Variants in CCSER1 observed in about 807,000 individuals in gnomAD.
The protein encoded by CCSER1 is serine-rich coiled-coil domain-containing protein 1.
In CCSER1, 41 loss-of-function variants were observed where a neutral mutation model predicts 82.0. The ratio of observed to expected loss-of-function variants is 0.50; its 90% CI spans 0.39 to 0.65. The LOEUF is 0.65. Ranked by LOEUF, CCSER1 falls within the 30% of genes least tolerant of loss-of-function variation. The pLI is 0.00. For missense variants in CCSER1, 1,119 were observed against 1,064.2 expected (o/e 1.05, Z -0.72); for synonymous variants, 414 against 383.9 (o/e 1.08, Z -0.92).
At chr4:91,595,955 A>AC (rs1022726992) in intron 10 of CCSER1, among the ~76,000 whole-genome samples, 4 of 151,214 alleles carry the variant, frequency 2.6e-5, no homozygotes, top group African/African-American at 9.7e-5. Flanking sequence ...AAAAAAAAAA[A>AC]AAAAAAAAAA....
intron 3 of CCSER1, among the ~76,000 whole-genome samples, chr4:90,351,550 A>AT (rs1296335386): frequency 2.0e-5 from 3 of 152,148 alleles, no homozygotes; most frequent in African/African-American, 7.2e-5. Context: ...AATAACAAAA[A>AT]TTTTTTTAGA....
chr4:90,267,530 A>C (rs28812473), intron 1 of CCSER1, among the ~76,000 whole-genome samples: 8,375 of 152,160 alleles, frequency 0.055, 621 homozygotes, highest in African/African-American at 0.17. Context: ...AGGCCTTGGA[A>C]AAGACCCAGT....
At chr4:91,103,022 ACTAT>A (rs1320256029) in intron 10 of CCSER1, among the ~76,000 whole-genome samples, 1 of 152,118 alleles carries the variant, frequency 6.6e-6, no homozygotes. Context: ...CCTTGTGTAA[ACTAT>A]CTACACTTTT....
In CCSER1 at chr4:91,079,124, T is replaced by C. The variant is rs183534726; in HGVS notation, c.2173-6826T>C. On this transcript the variant is annotated intron_variant, in intron 9 of 10. Transcript: ENST00000509176. Reference sequence around the variant, plus strand: ...GAAGAGCAAATCCAAGACACATAATTTTCAGATTCACCAAAGTTGAAACAA... The same window carrying C: ...GAAGAGCAAATCCAAGACACATAATCTTCAGATTCACCAAAGTTGAAACAA... Among the ~76,000 whole-genome samples, 11 of 152,148 alleles carry C rather than the reference T, an allele frequency of 7.2e-5. No individual in the cohort carries two copies. In the South Asian group the frequency reaches 1.7e-3, roughly 23 times the overall value.
chr4:90,380,880 A>C (rs1012956559), intron 3 of CCSER1, among the ~76,000 whole-genome samples: 1 of 152,178 alleles, frequency 6.6e-6, no homozygotes, highest in Non-Finnish European at 1.5e-5. Flanking sequence ...GCTCCCAAAG[A>C]GCTTATAGTC....
intron 10 of CCSER1, among the ~76,000 whole-genome samples, chr4:91,355,053 G>A (rs1748731336): frequency 6.6e-6 from 1 of 152,032 alleles, no homozygotes. Flanking sequence ...TAATTTTAAA[G>A]GGTTGCAGCT....
At chr4:91,052,010 T>G (rs1172526495) in intron 9 of CCSER1, among the ~76,000 whole-genome samples, 1 of 152,110 alleles carries the variant, frequency 6.6e-6, no homozygotes, top group Non-Finnish European at 1.5e-5. Flanking sequence ...ATTTTCTTCA[T>G]GCTTTATCTA....
At chr4:90,528,203 G>T (rs549917093) in intron 5 of CCSER1, among the ~76,000 whole-genome samples, 2 of 152,248 alleles carry the variant, frequency 1.3e-5, no homozygotes, top group African/African-American at 4.8e-5. Context: ...TTATGGAAAT[G>T]CAGAAGAAAA....
chr4:91,549,216 T>G (rs1259946697), intron 10 of CCSER1, among the ~76,000 whole-genome samples: 1 of 152,142 alleles, frequency 6.6e-6, no homozygotes, highest in Non-Finnish European at 1.5e-5. Flanking sequence ...TTTTTATTCT[T>G]TCTTTAGAAT....
chr4:91,207,500 G>A (rs1257022912), intron 10 of CCSER1, among the ~76,000 whole-genome samples: 6 of 151,644 alleles, frequency 4.0e-5, no homozygotes, highest in African/African-American at 7.3e-5. Context: ...CTCTTCCTGC[G>A]TTACTTTGCT....
intron 6 of CCSER1, among the ~76,000 whole-genome samples, chr4:90,715,279 C>T (rs1372568434): frequency 6.6e-6 from 1 of 151,988 alleles, no homozygotes; most frequent in Non-Finnish European, 1.5e-5. Flanking sequence ...ACCTACTCGT[C>T]CCTATGTGAA....
At chr4:91,495,281 T>C (rs1237085766) in intron 10 of CCSER1, among the ~76,000 whole-genome samples, 3 of 151,656 alleles carry the variant, frequency 2.0e-5, no homozygotes, top group Non-Finnish European at 4.4e-5. Context: ...ACATGTTTTC[T>C]GTATATTGTT....
chr4:90,446,286 G>T (rs944851955), intron 4 of CCSER1, among the ~76,000 whole-genome samples: 4 of 152,106 alleles, frequency 2.6e-5, no homozygotes, highest in Non-Finnish European at 5.9e-5. Context: ...GCTTTGGGGA[G>T]ATAATTGAAT....
chr4:90,733,923 A>G (rs1289519707), intron 7 of CCSER1, among the ~76,000 whole-genome samples: 1 of 151,946 alleles, frequency 6.6e-6, no homozygotes. Flanking sequence ...CTTGTGTACT[A>G]TAGCTCTGTA....
chr4:91,153,340 T>C (rs1353850443), intron 10 of CCSER1, among the ~76,000 whole-genome samples: 1 of 151,974 alleles, frequency 6.6e-6, no homozygotes, highest in African/African-American at 2.4e-5. Context: ...GTAGTTCTCA[T>C]GCCATGGTTT....
At chr4:90,266,079 G>A (rs1265137940) in intron 1 of CCSER1, among the ~76,000 whole-genome samples, 1 of 151,988 alleles carries the variant, frequency 6.6e-6, no homozygotes, top group Admixed American at 6.6e-5. Context: ...ATTTAAAACT[G>A]CAATGTCCCA....
At chr4:90,700,600 C>T (rs1416392238) in intron 6 of CCSER1, among the ~76,000 whole-genome samples, 1 of 152,178 alleles carries the variant, frequency 6.6e-6, no homozygotes, top group Non-Finnish European at 1.5e-5. Flanking sequence ...TTTACAGTCC[C>T]ACCAACAGTG....
chr4:90,464,361 A>G (rs1346323678), intron 4 of CCSER1, among the ~76,000 whole-genome samples: 1 of 152,210 alleles, frequency 6.6e-6, no homozygotes, highest in Non-Finnish European at 1.5e-5. Context: ...TAAAGTCCCT[A>G]TTTGTATAAT....
intron 6 of CCSER1, among the ~76,000 whole-genome samples, chr4:90,690,809 T>C (rs768794390): frequency 2.0e-5 from 3 of 152,220 alleles, no homozygotes; most frequent in Non-Finnish European, 2.9e-5. Context: ...TGGGATTGAA[T>C]TCCTGACTAC....
Sources: gnomAD v4.1 joint callset for allele counts (sites outside exome capture counted in the v4.1 genomes callset) on GRCh38, gnomAD v4.1.1 for gene constraint, MANE v1.5 for transcripts, NCBI Gene and HGNC (gene_info 2026-07-23, HGNC 2026-07-21) for gene names.